The following DNAH1 variants were observed in gnomAD, a reference collection of about 807,000 sequenced individuals.
DNAH1 encodes axonemal beta dynein heavy chain 1.
In DNAH1, 327 loss-of-function variants were observed where a neutral mutation model predicts 484.3. The observed-to-expected ratio is 0.68, with a 90% CI of 0.62 to 0.74. The LOEUF is 0.74. Ranked by LOEUF, DNAH1 falls within the 30% of genes least tolerant of loss-of-function variation. The pLI is 0.00. For synonymous variants in DNAH1, 2,192 were observed against 2,191.9 expected (o/e 1.00, Z 0.00); for missense variants, 5,052 against 5,546.8 (o/e 0.91, Z 2.83).
At chr3:52,359,110 C>T (rs1286880496) in intron 25 of DNAH1, 136 bp from the exon 26 acceptor site, 15 of 1,311,534 alleles carry the variant, frequency 1.1e-5, no homozygotes, top group Non-Finnish European at 1.5e-5. Flanking sequence ...GGCTTCCCTG[C>T]TCTGAAGGGA....
chr3:52,397,636 C>T, intron 73 of DNAH1, 71 bp from the exon 74 acceptor site: 1 of 1,397,764 alleles, frequency 7.2e-7, no homozygotes, highest in Non-Finnish European at 9.7e-7. Flanking sequence ...GGATGTGCTC[C>T]ATTGGAGGGT....
chr3:52,395,929 G>C lies in DNAH1; in HGVS notation c.11259+251G>C, dbSNP rs1704601769. Among the ~76,000 whole-genome samples, 1 of 148,342 alleles carries C rather than the reference G, an allele frequency of 6.7e-6. No homozygotes were observed. Among genetic ancestry groups the C allele is most frequent in the African/African-American group, 2.5e-5 (1 of 40,208 alleles). On this transcript the variant is annotated intron_variant, in intron 70 of 77. Coordinates refer to ENST00000420323, the MANE Select transcript of DNAH1 (RefSeq NM_015512.5). This position sits in a 1 kb window ranked among gnomAD's most constrained non-coding sequence, Gnocchi z 4.4. ...CAGCACAGACCGTGACCTGGGACTT[G>C]CCAAAGCCCTTTTTTTTTTTTTTTT...
chr3:52,376,021 G>T, intron 46 of DNAH1, 28 bp downstream of exon 46: 2 of 1,608,196 alleles, frequency 1.2e-6, no homozygotes, highest in South Asian at 2.2e-5. Context: ...CGGGAATGGG[G>T]CACTGGTTCC....
chr3:52,369,187 G>A lies in DNAH1; in HGVS notation c.5943+269G>A, dbSNP rs56672211. Among the ~76,000 whole-genome samples, 618 of 152,264 alleles carry A rather than the reference G, an allele frequency of 4.1e-3. 1 individual carries two copies. The highest frequency in any genetic ancestry group is 7.3e-3 in the Admixed American group (111 of 15,302). ...CAGACCCTCTTTCTTTTGTGCTCGA[G>A]CCCACCAGGATGCCTGTCCCACTGC... On this transcript the variant is annotated intron_variant, in intron 37 of 77. Coordinates refer to ENST00000420323, the MANE Select transcript of DNAH1 (RefSeq NM_015512.5).
intron 6 of DNAH1, among the ~76,000 whole-genome samples, chr3:52,330,399 G>A (rs1429344470): frequency 1.3e-5 from 2 of 152,214 alleles, no homozygotes; most frequent in African/African-American, 2.4e-5. Context: ...GGACAGGGGT[G>A]CTATTTTAGG....
At position 52,358,075 on chromosome 3, in the gene DNAH1, G is replaced by A. The variant is rs976521876; in HGVS notation, c.4086+72G>A. ...TCCCAGGGAGAACGTCCCTCCCTTT[G>A]TGATGAGCCCTTTTAGCAGGAAATG... On this transcript the variant is annotated intron_variant, in intron 24 of 77. Transcript: ENST00000420323. This position sits in a 1 kb window ranked among gnomAD's most constrained non-coding sequence, Gnocchi z 4.2. 1.7e-6 allele frequency: 2 copies of A among 1,174,720 alleles called. No individual in the cohort carries two copies. Among genetic ancestry groups the A allele is most frequent in the South Asian group, 1.5e-5 (1 of 65,348 alleles). 72.8% of individuals were successfully genotyped at this position (1,174,720 alleles called of 1,614,324 possible).
rs758275536 is a variant in DNAH1, at chr3:52,357,686, C to T, written c.3931C>T (p.Gln1311Ter). Residue 1311 changes from glutamine (Q) to a stop codon, truncating the protein, a stop_gained, in exon 23 of 78, where the codon CAG becomes TAG. Transcript: ENST00000420323. LOFTEE classifies it high-confidence loss of function. ...RDCNKILDLV[Q>*]KGLSEYLETK... ...CTGCAACAAGATTCTGGACCTGGTG[C>T]AGAAGGGCCTCAGCGAGTATCTGGA... is the stretch of plus-strand genomic sequence containing the variant. The T allele has an allele frequency of 6.3e-7, 1 of 1,592,232 alleles. No individual in the cohort carries two copies.
intron 3 of DNAH1, among the ~76,000 whole-genome samples, chr3:52,324,243 T>C (rs919624454): frequency 3.1e-4 from 47 of 152,162 alleles, no homozygotes; most frequent in African/African-American, 1.1e-3. Flanking sequence ...TGCTTCCTGC[T>C]GGAGACCCAG....
chr3:52,323,980 C>T (rs1701245634), intron 3 of DNAH1, 100 bp downstream of exon 3: 1 of 870,726 alleles, frequency 1.1e-6, no homozygotes. Context: ...TGGGCCCCAG[C>T]TTCCTTAACT....
chr3:52,372,042 C>G lies in DNAH1; in HGVS notation c.6622C>G (p.Gln2208Glu). 1 of 1,613,814 alleles carries G rather than the reference C, an allele frequency of 6.2e-7. No individual in the cohort carries two copies. The change falls in exon 42 of 78, where the codon CAG becomes GAG. Residue 2208 changes from glutamine to glutamate, a missense_variant. By Grantham distance (29) the Gln-to-Glu change is conservative (BLOSUM62 2). Around this residue, in one of 4 missense-constraint regions of DNAH1, gnomAD observed 2,929 missense variants for 3,409.4 expected, o/e 0.86. Transcript: ENST00000420323. ...CATTGTGCCCACCATGGACACCGTG[C>G]AGATGTCCCATTTACTGGACATGCT... Reference protein sequence around the residue: ...NIIVPTMDTVQMSHLLDMLLT... With the variant: ...NIIVPTMDTVEMSHLLDMLLT...
intron 8 of DNAH1, among the ~76,000 whole-genome samples, chr3:52,339,759 GTTTTT>G (rs1290841536): frequency 6.6e-6 from 1 of 151,308 alleles, no homozygotes; most frequent in African/African-American, 2.4e-5. Flanking sequence ...TTGCACATTA[GTTTTT>G]TTTGTTTGTT....
chr3:52,363,750 C>T (rs1702959130), intron 32 of DNAH1, among the ~76,000 whole-genome samples: 1 of 152,198 alleles, frequency 6.6e-6, no homozygotes, highest in South Asian at 2.1e-4. Context: ...CCTGTTGTCA[C>T]CCTAATGGGC....
At chr3:52,356,806 G>A (rs1559522868) in intron 22 of DNAH1, 28 bp downstream of exon 22, 3 of 1,573,194 alleles carry the variant, frequency 1.9e-6, no homozygotes, top group South Asian at 1.2e-5. Flanking sequence ...GGGAGGGGCA[G>A]CTGGGATCCC....
At chr3:52,384,137 G>A (rs1467899368) in intron 52 of DNAH1, 106 bp downstream of exon 52, 5 of 1,238,320 alleles carry the variant, frequency 4.0e-6, no homozygotes, top group Admixed American at 3.0e-5. Flanking sequence ...CACCACCGAG[G>A]GTAAGCTTTT....
At chr3:52,338,503 G>A (rs756426568) in intron 8 of DNAH1, among the ~76,000 whole-genome samples, 1 of 151,990 alleles carries the variant, frequency 6.6e-6, no homozygotes, top group Non-Finnish European at 1.5e-5. Flanking sequence ...TCTATTAAAC[G>A]TATCAATATT....
Position 52,391,263 on chromosome 3 carries a change from C to A in DNAH1, c.9826C>A (p.Pro3276Thr). The change falls in exon 62 of 78, where the codon CCA (proline) becomes ACA (threonine). Residue 3276 changes from proline (P) to threonine (T), a missense_variant. Pro to Thr is a conservative substitution (Grantham distance 38, BLOSUM62 -1). This residue lies in a region of DNAH1 where 2,929 missense variants were observed against 3,409.4 expected (regional missense o/e 0.86). Transcript: ENST00000420323. ...GGAGAACGCCATCCGCTTTGGCAAG[C>A]CATGTCTCCTGGAGAACGTGGGCGA... ...SMENAIRFGK[P>T]CLLENVGEEL... 4 of 1,613,630 alleles carry A rather than the reference C, an allele frequency of 2.5e-6. No individual in the cohort carries two copies.
Position 52,369,849 on chromosome 3 carries a change from C to A in DNAH1, c.5968C>A (p.Gln1990Lys). The change falls in exon 38 of 78, where the codon CAA (glutamine) becomes AAA (lysine). Residue 1990 changes from glutamine (Q) to lysine (K), a missense_variant. By Grantham distance (53) the Gln-to-Lys change is moderately conservative. This residue lies in a region of DNAH1 where 2,929 missense variants were observed against 3,409.4 expected (regional missense o/e 0.86). Coordinates refer to ENST00000420323, the MANE Select transcript of DNAH1 (RefSeq NM_015512.5). ...GGCAATGACCATGATGTTCGAGGTGCAAGACCTGGCGGTGGCTTCACCAGC... is the reference window on the plus strand; with the variant it reads ...GGCAATGACCATGATGTTCGAGGTGAAAGACCTGGCGGTGGCTTCACCAGC... ...TEAMTMMFEV[Q>K]DLAVASPATV... 4.3e-6 allele frequency: 7 copies of A among 1,611,852 alleles called. No homozygotes were observed. Among genetic ancestry groups the A allele is most frequent in the Non-Finnish European group, 5.9e-6 (7 of 1,178,336 alleles).
rs551410758 is a variant in DNAH1 at position 52,354,634 on chromosome 3, G to GA, written c.3481-193dup. ...GGCTACAGAGCGAGACTCCACCTCA[G>GA]AAAAAAAAAAAAAAAAGAGTGAATT... is the stretch of plus-strand genomic sequence containing the variant. On this transcript the variant is annotated intron_variant, in intron 20 of 77. Coordinates refer to ENST00000420323, the MANE Select transcript of DNAH1 (RefSeq NM_015512.5). Among the ~76,000 whole-genome samples the GA allele has an allele frequency of 0.19, 21,483 of 114,250 alleles. 2,006 individuals are homozygous for GA. The highest frequency in any genetic ancestry group is 0.3 in the African/African-American group (9,636 of 32,358). The allele number at this position is 114,250 out of a possible 152,430, so 75.0% of individuals were successfully genotyped here. A position where few individuals can be genotyped will look rare whatever the true frequency, so the allele number is the denominator to read the frequency against.
intron 6 of DNAH1, among the ~76,000 whole-genome samples, chr3:52,330,685 C>T (rs979401195): frequency 1.3e-4 from 20 of 152,264 alleles, no homozygotes; most frequent in African/African-American, 4.3e-4. Context: ...CCTGCCCTGC[C>T]GTGCCCTGTT....
Sources: gnomAD v4.1 joint callset for allele counts (sites outside exome capture counted in the v4.1 genomes callset) on GRCh38, gnomAD v4.1.1 for gene constraint, gnomAD v4.1.1 regional missense constraint, Gnocchi (gnomAD v3.1) non-coding constraint, MANE v1.5 for transcripts, NCBI Gene and HGNC (gene_info 2026-07-23, HGNC 2026-07-21) for gene names.